The following LRRC36 variants were observed in gnomAD, a reference collection of about 807,000 sequenced individuals.
LRRC36 encodes the protein leucine rich repeat containing 36.
LRRC36 carries 62 observed loss-of-function variants against 81.1 expected under a neutral mutation model. That is an observed-to-expected ratio of 0.76 (90% CI 0.62 to 0.94). LRRC36 has a LOEUF of 0.94. LRRC36 is among the 40% of genes least tolerant of loss of function. The probability of loss-of-function intolerance (pLI) is 0.00; values close to 1 mark genes in which losing one functional copy is unlikely to be tolerated. For missense variants in LRRC36, 761 were observed against 881.7 expected, an observed-to-expected ratio of 0.86 and a Z score of 1.73; for synonymous variants, 334 against 348.6, an observed-to-expected ratio of 0.96 and a Z score of 0.47.
chr16:67,355,822 G>C (rs1310761862), intron 5 of LRRC36, among the ~76,000 whole-genome samples: 2 of 152,176 alleles, frequency 1.3e-5, no homozygotes, highest in Non-Finnish European at 2.9e-5. Flanking sequence ...GCTGGGGACA[G>C]TGGAGAAAGG....
At chr16:67,330,241 G>A (rs970284749) in intron 1 of LRRC36, among the ~76,000 whole-genome samples, 1 of 151,746 alleles carries the variant, frequency 6.6e-6, no homozygotes, top group African/African-American at 2.4e-5. Context: ...GGAAGTATAT[G>A]GTGCCTAGTG....
At chr16:67,327,837 A>G (rs912292504) in intron 1 of LRRC36, among the ~76,000 whole-genome samples, 1 of 152,138 alleles carries the variant, frequency 6.6e-6, no homozygotes, top group African/African-American at 2.4e-5. Context: ...GCCAAATGCT[A>G]TTGACAGGCT....
At chr16:67,376,967 A>G in intron 11 of LRRC36, 95 bp downstream of exon 11, 4 of 1,320,126 alleles carry the variant, frequency 3.0e-6, no homozygotes, top group Non-Finnish European at 4.1e-6. Context: ...CACCTAACCA[A>G]AATATGGCAA....
Position 67,385,086 on chromosome 16 carries a change from A to T in LRRC36, c.2262A>T (p.Leu754Phe). 6.2e-7 allele frequency: 1 copy of T among 1,613,022 alleles called. No individual in the cohort carries two copies. Reference protein sequence around the residue: ...SVLDAAPEPGL With the variant: ...SVLDAAPEPGF ...TGGATGCTGCCCCAGAGCCTGGCTTATAGAGCTAGCATGGAACTCACACCA... is the reference window on the plus strand; with the variant it reads ...TGGATGCTGCCCCAGAGCCTGGCTTTTAGAGCTAGCATGGAACTCACACCA... Residue 754 changes from leucine (L) to phenylalanine (F), a missense_variant, in exon 14 of 14, where the codon TTA becomes TTT. This residue lies in a region of LRRC36 where 359 missense variants were observed against 388.4 expected (regional missense o/e 0.92). Transcript: ENST00000329956.
chr16:67,343,384 G>A (rs1444820889), intron 2 of LRRC36, among the ~76,000 whole-genome samples: 1 of 151,928 alleles, frequency 6.6e-6, no homozygotes, highest in Non-Finnish European at 1.5e-5. Context: ...AACATAGTGA[G>A]ACCCCTATCT....
At position 67,375,339 on chromosome 16, in the gene LRRC36, C is replaced by T. The variant is rs200439795; in HGVS notation, c.1587C>T (p.Leu529=). 6.2e-7 allele frequency: 1 copy of T among 1,612,514 alleles called. No individual in the cohort carries two copies. Among genetic ancestry groups the T allele is most frequent in the East Asian group, 2.2e-5 (1 of 44,846 alleles). Residue 529 remains leucine (L), a synonymous_variant, in exon 10 of 14, where the codon CTC becomes CTT. Transcript: ENST00000329956. ...GAACCCCCCATGTGGCCACTGTCCT[C>T]AGACAGCTCCTGGAGCTTGTGGATA... ...SARTPHVATV[L]RQLLELVDKH...
At chr16:67,356,322 G>C (rs1411433147) in intron 5 of LRRC36, among the ~76,000 whole-genome samples, 1 of 152,164 alleles carries the variant, frequency 6.6e-6, no homozygotes, top group African/African-American at 2.4e-5. Context: ...TCTTGGTTTA[G>C]CCATGATGGA....
intron 8 of LRRC36, among the ~76,000 whole-genome samples, chr16:67,368,308 G>A (rs1239659573): frequency 6.6e-6 from 1 of 152,150 alleles, no homozygotes; most frequent in African/African-American, 2.4e-5. Context: ...TATATGTCAG[G>A]TTATGGTAAA....
chr16:67,377,218 C>A (rs77758571), intron 11 of LRRC36, among the ~76,000 whole-genome samples: 2 of 152,184 alleles, frequency 1.3e-5, no homozygotes, highest in African/African-American at 2.4e-5. Flanking sequence ...CCCTTCTAAG[C>A]GAGCTGAGAG....
intron 1 of LRRC36, among the ~76,000 whole-genome samples, chr16:67,329,232 A>C (rs1019719920): frequency 6.6e-6 from 1 of 152,104 alleles, no homozygotes; most frequent in East Asian, 1.9e-4. Context: ...AAAAGCTAAG[A>C]TTACTTTAAA....
intron 5 of LRRC36, 59 bp downstream of exon 5, chr16:67,350,349 A>AG: frequency 7.5e-7 from 1 of 1,339,240 alleles, no homozygotes; most frequent in Admixed American, 1.8e-5. Context: ...CAGCTGCCAT[A>AG]GCCAATATTG....
chr16:67,327,072 G>C, intron 1 of LRRC36, 140 bp downstream of exon 1: 10 of 712,220 alleles, frequency 1.4e-5, no homozygotes, highest in East Asian at 7.7e-5. Context: ...GGGGCGGGGG[G>C]ATAACTTGAG....
At chr16:67,373,082 T>G (rs1263965373) in intron 9 of LRRC36, among the ~76,000 whole-genome samples, 3 of 152,170 alleles carry the variant, frequency 2.0e-5, no homozygotes. Context: ...GGCTAGATGC[T>G]GTGGCTCACA....
Position 67,375,228 on chromosome 16 carries a change from C to CTT in LRRC36, c.1495-10_1495-9dup. ...TGGGTTTTTTGTTTGTTTGTTTTTG[C>CTT]TTTTTTTTTTCTCTTGAGCCTCTCT... is the stretch of plus-strand genomic sequence containing the variant. On this transcript the variant is annotated intron_variant, in intron 9 of 13. Coordinates refer to ENST00000329956, the MANE Select transcript of LRRC36 (RefSeq NM_018296.6). 3 of 1,460,818 alleles carry CTT rather than the reference C, an allele frequency of 2.1e-6. No homozygotes were observed. 90.5% of individuals were successfully genotyped at this position (1,460,818 alleles called of 1,614,324 possible). A position where few individuals can be genotyped will look rare whatever the true frequency, so the allele number is the denominator to read the frequency against.
chr16:67,338,305 T>C (rs1350334752), intron 1 of LRRC36, among the ~76,000 whole-genome samples: 1 of 152,174 alleles, frequency 6.6e-6, no homozygotes, highest in Admixed American at 6.5e-5. Flanking sequence ...CACTGATTTA[T>C]ATTCTTGCAA....
chr16:67,348,102 T>TA (rs750275638), intron 4 of LRRC36, among the ~76,000 whole-genome samples: 2 of 152,236 alleles, frequency 1.3e-5, no homozygotes, highest in African/African-American at 4.8e-5. Flanking sequence ...CAAAAGAAGT[T>TA]ACCATTATCT....
intron 5 of LRRC36, among the ~76,000 whole-genome samples, chr16:67,353,559 G>C (rs544143194): frequency 4.0e-4 from 61 of 152,024 alleles, no homozygotes; most frequent in African/African-American, 1.1e-3. Context: ...GCTAATTTTT[G>C]TATTTTTAGT....
intron 5 of LRRC36, among the ~76,000 whole-genome samples, chr16:67,363,309 C>T (rs1487079958): frequency 6.6e-6 from 1 of 152,200 alleles, no homozygotes; most frequent in African/African-American, 2.4e-5. Flanking sequence ...TTCTGTTGAG[C>T]ACTTCATAAA....
At chr16:67,382,546 T>TA (rs1461812736) in intron 13 of LRRC36, among the ~76,000 whole-genome samples, 1 of 152,184 alleles carries the variant, frequency 6.6e-6, no homozygotes, top group Non-Finnish European at 1.5e-5. Context: ...GGTCAGTACA[T>TA]ACCCCTAAAG....
Sources: gnomAD v4.1 joint callset for allele counts (sites outside exome capture counted in the v4.1 genomes callset) on GRCh38, gnomAD v4.1.1 for gene constraint, gnomAD v4.1.1 regional missense constraint, MANE v1.5 for transcripts, NCBI Gene and HGNC (gene_info 2026-07-23, HGNC 2026-07-21) for gene names.